MEI4: variants seen among roughly 807,000 people sequenced by gnomAD.
MEI4 encodes the protein meiotic double-stranded break formation protein 4.
MEI4 carries 27 observed loss-of-function variants against 31.4 expected under a neutral mutation model. The ratio of observed to expected loss-of-function variants is 0.86; its 90% confidence interval spans 0.63 to 1.19. The LOEUF is 1.19. Ranked by LOEUF, MEI4 falls within the 50% of genes most tolerant of loss-of-function variation. The pLI is 0.00. For missense variants in MEI4, 329 were observed against 398.9 expected (o/e 0.82, Z 1.49); for synonymous variants, 122 against 145.4 (o/e 0.84, Z 1.16).
At chr6:77,835,883 G>T (rs933977601) in intron 4 of MEI4, among the ~76,000 whole-genome samples, 6 of 151,782 alleles carry the variant, frequency 4.0e-5, no homozygotes, top group African/African-American at 1.5e-4. Context: ...AAATAATGTT[G>T]ATCTAAAAGG....
chr6:77,854,143 G>T (rs1412373835), intron 4 of MEI4, among the ~76,000 whole-genome samples: 1 of 151,914 alleles, frequency 6.6e-6, no homozygotes, highest in Non-Finnish European at 1.5e-5. Context: ...TAAGTCATTT[G>T]GATTCTGGTT....
chr6:77,780,544 G>C (rs1204071334), intron 3 of MEI4, among the ~76,000 whole-genome samples: 1 of 152,118 alleles, frequency 6.6e-6, no homozygotes, highest in African/African-American at 2.4e-5. Flanking sequence ...TGGGTCTGCA[G>C]GTCAGACCCT....
chr6:77,686,007 C>G (rs1352483566), intron 1 of MEI4, among the ~76,000 whole-genome samples: 2 of 152,046 alleles, frequency 1.3e-5, no homozygotes, highest in African/African-American at 2.4e-5. Flanking sequence ...CTTGGGGCCT[C>G]CCTGTGGTAA....
chr6:77,890,951 C>G (rs1363507136), intron 4 of MEI4, among the ~76,000 whole-genome samples: 1 of 152,200 alleles, frequency 6.6e-6, no homozygotes. Context: ...CCTCCTCAGG[C>G]CTGCAGAACG....
At chr6:77,789,660 T>A (rs997140163) in intron 3 of MEI4, among the ~76,000 whole-genome samples, 3 of 152,254 alleles carry the variant, frequency 2.0e-5, no homozygotes, top group South Asian at 2.1e-4. Context: ...AAAAATGCTC[T>A]TCATCACTGG....
At chr6:77,892,262 C>T (rs1000141165) in intron 4 of MEI4, among the ~76,000 whole-genome samples, 1 of 152,112 alleles carries the variant, frequency 6.6e-6, no homozygotes, top group Admixed American at 6.5e-5. Context: ...GTAAAGGCAA[C>T]CTTTCCTCAG....
chr6:77,658,636 T>C (rs897789518), intron 1 of MEI4, among the ~76,000 whole-genome samples: 11 of 151,496 alleles, frequency 7.3e-5, no homozygotes, highest in Non-Finnish European at 1.5e-4. Context: ...TGAAGGGAGG[T>C]CTTGTGGTAA....
At chr6:77,698,568 T>G (rs2127655265) in intron 2 of MEI4, among the ~76,000 whole-genome samples, 1 of 152,338 alleles carries the variant, frequency 6.6e-6, no homozygotes, top group South Asian at 2.1e-4. Context: ...TTGAAAATTC[T>G]TTTCTTTAAG....
At chr6:77,658,457 C>T (rs1024836409) in intron 1 of MEI4, among the ~76,000 whole-genome samples, 1 of 151,986 alleles carries the variant, frequency 6.6e-6, no homozygotes, top group Non-Finnish European at 1.5e-5. Context: ...GCTCAGAGGC[C>T]TGACATTCCT....
intron 4 of MEI4, among the ~76,000 whole-genome samples, chr6:77,862,678 A>G (rs1017593525): frequency 2.1e-4 from 32 of 152,182 alleles, no homozygotes; most frequent in Non-Finnish European, 3.8e-4. Context: ...AAGGCAGCAG[A>G]AACCTCTGCA....
intron 3 of MEI4, among the ~76,000 whole-genome samples, chr6:77,785,616 T>A (rs1513017): frequency 0.94 from 143,296 of 152,222 alleles, 67,551 homozygotes; most frequent in East Asian, 1. Context: ...TTGTGTATGT[T>A]TATGTCACTG....
chr6:77,694,031 G>A (rs1446809290), intron 2 of MEI4, among the ~76,000 whole-genome samples: 1 of 151,918 alleles, frequency 6.6e-6, no homozygotes, highest in African/African-American at 2.4e-5. Flanking sequence ...ATTAAATAAA[G>A]CAAAGCCAAA....
intron 4 of MEI4, among the ~76,000 whole-genome samples, chr6:77,877,156 T>C (rs1195635569): frequency 6.6e-6 from 1 of 152,116 alleles, no homozygotes; most frequent in Non-Finnish European, 1.5e-5. Context: ...TTCACAAAGA[T>C]ATAAAAAACT....
intron 4 of MEI4, among the ~76,000 whole-genome samples, chr6:77,838,755 T>A (rs1473399546): frequency 6.6e-6 from 1 of 151,724 alleles, no homozygotes; most frequent in African/African-American, 2.4e-5. Context: ...TACAAAAAAA[T>A]TAGCTGGGTG....
intron 2 of MEI4, among the ~76,000 whole-genome samples, chr6:77,737,812 C>A (rs1767291755): frequency 6.6e-6 from 1 of 152,160 alleles, no homozygotes; most frequent in Non-Finnish European, 1.5e-5. Context: ...TCAAGGTTGA[C>A]TCTCAGGTTT....
intron 4 of MEI4, among the ~76,000 whole-genome samples, chr6:77,886,845 T>A (rs1322761725): frequency 6.6e-6 from 1 of 152,188 alleles, no homozygotes; most frequent in Non-Finnish European, 1.5e-5. Flanking sequence ...TCTTCTCTCT[T>A]TTTTTCTTTT....
At chr6:77,825,452 C>T (rs1368680264) in intron 3 of MEI4, among the ~76,000 whole-genome samples, 2 of 152,290 alleles carry the variant, frequency 1.3e-5, no homozygotes, top group Non-Finnish European at 2.9e-5. Flanking sequence ...CAAGTCATTT[C>T]CCAAGTCACA....
intron 4 of MEI4, among the ~76,000 whole-genome samples, chr6:77,830,141 C>A (rs1404438156): frequency 6.6e-6 from 1 of 151,896 alleles, no homozygotes; most frequent in Non-Finnish European, 1.5e-5. Flanking sequence ...TTGCAAGTCC[C>A]TGAAAATAAT....
intron 3 of MEI4, among the ~76,000 whole-genome samples, chr6:77,787,515 T>A (rs967042507): frequency 3.9e-5 from 6 of 152,064 alleles, no homozygotes; most frequent in Non-Finnish European, 8.8e-5. Context: ...TAGAGTGCAA[T>A]CCCAGGTGCA....
Sources: gnomAD v4.1 joint callset for allele counts (sites outside exome capture counted in the v4.1 genomes callset) on GRCh38, gnomAD v4.1.1 for gene constraint, MANE v1.5 for transcripts, NCBI Gene and HGNC (gene_info 2026-07-23, HGNC 2026-07-21) for gene names.